The following G3BP2 variants were observed in gnomAD, a reference collection of about 807,000 sequenced individuals.
G3BP2 encodes G3BP stress granule assembly factor 2, also known as ras GTPase-activating protein-binding protein 2.
A neutral mutation model predicts 56.7 loss-of-function variants in G3BP2; 11 were observed. That is an observed-to-expected ratio of 0.19 (90% confidence interval 0.12 to 0.32). The LOEUF is 0.32. G3BP2 is among the 10% of genes least tolerant of loss of function. G3BP2 has a pLI of 1.00. For synonymous variants in G3BP2, 165 were observed against 191.6 expected, an observed-to-expected ratio of 0.86 and a Z score of 1.15; for missense variants, 340 against 610.9, an observed-to-expected ratio of 0.56 and a Z score of 4.67.
chr4:75,712,344 T>C (rs1719790708), intron 3 of G3BP2, among the ~76,000 whole-genome samples: 1 of 152,220 alleles, frequency 6.6e-6, no homozygotes, highest in Non-Finnish European at 1.5e-5. Context: ...TCATTTTTAA[T>C]TTCTGTCATA....
At chr4:75,693,801 A>C (rs1718979213) in intron 3 of G3BP2, among the ~76,000 whole-genome samples, 1 of 150,922 alleles carries the variant, frequency 6.6e-6, no homozygotes, top group Non-Finnish European at 1.5e-5. Context: ...AAAAAAAAAA[A>C]GAGCTGGACT....
intron 3 of G3BP2, among the ~76,000 whole-genome samples, chr4:75,720,543 C>A (rs2149123605): frequency 6.7e-6 from 1 of 149,310 alleles, no homozygotes; most frequent in South Asian, 2.1e-4. Context: ...GGCGCGGTGG[C>A]TCACGCACTT....
intron 3 of G3BP2, among the ~76,000 whole-genome samples, chr4:75,692,537 C>G (rs902976350): frequency 6.6e-6 from 1 of 152,000 alleles, no homozygotes; most frequent in African/African-American, 2.4e-5. Flanking sequence ...GTCTTGAACT[C>G]CTGACCTTGT....
chr4:75,671,259 T>A (rs558529374), intron 1 of G3BP2, among the ~76,000 whole-genome samples: 1 of 152,068 alleles, frequency 6.6e-6, no homozygotes, highest in Non-Finnish European at 1.5e-5. Context: ...TGAAAAGGAG[T>A]CATTCACTGT....
rs78274198 is a variant in G3BP2 at position 75,665,220 on chromosome 4, CAACA to C, written c.-24-3175_-24-3172del. ...TTTAGGTTCCTTGTTTCTTCCTTTC[CAACA>C]AACTATCCCTCCTCTAACTGTCCTT... On this transcript the variant is annotated intron_variant, in intron 1 of 11. Coordinates refer to ENST00000359707, the MANE Select transcript of G3BP2 (RefSeq NM_203505.3). 1.4e-3 allele frequency among the ~76,000 whole-genome samples: 216 copies of C among 152,240 alleles called. 1 individual carries two copies. Among genetic ancestry groups the C allele is most frequent in the Non-Finnish European group, 1.8e-3 (123 of 68,006 alleles).
chr4:75,651,393 C>A (rs541729438), intron 8 of G3BP2, among the ~76,000 whole-genome samples: 1 of 152,258 alleles, frequency 6.6e-6, no homozygotes, highest in East Asian at 1.9e-4. Flanking sequence ...AAATAAAGTT[C>A]TTCCTTATTC....
rs1578372408 is a variant in G3BP2 at position 75,645,391 on chromosome 4, A to G, written c.*39T>C. ...ATTAACAAGAATGCAAACACGATGAATAATGTACCACTGCCAAGACTTTGC... is the reference window on the plus strand; with the variant it reads ...ATTAACAAGAATGCAAACACGATGAGTAATGTACCACTGCCAAGACTTTGC... On this transcript the variant is annotated 3_prime_UTR_variant, in exon 12 of 12. Transcript: ENST00000359707. 1 of 1,577,512 alleles carries G rather than the reference A, an allele frequency of 6.3e-7. No homozygotes were observed. Among genetic ancestry groups the G allele is most frequent in the Non-Finnish European group, 8.6e-7 (1 of 1,160,588 alleles).
intron 3 of G3BP2, among the ~76,000 whole-genome samples, chr4:75,719,858 G>C (rs1720085375): frequency 6.6e-6 from 1 of 151,904 alleles, no homozygotes; most frequent in African/African-American, 2.4e-5. Context: ...CAAAGTGCTG[G>C]GATTACAAGG....
intron 2 of G3BP2, among the ~76,000 whole-genome samples, chr4:75,722,182 C>T (rs138286154): frequency 6.6e-6 from 1 of 152,260 alleles, no homozygotes; most frequent in East Asian, 1.9e-4. Context: ...AGTGACAATG[C>T]CTCGGGGATC....
intron 8 of G3BP2, chr4:75,649,144 A>G (rs143561588): frequency 0.024 from 3,754 of 158,084 alleles, 62 homozygotes; most frequent in Non-Finnish European, 0.036. Context: ...CATAACACAT[A>G]ATTTCTGAAA....
At chr4:75,648,259 A>C (rs1731380825) in intron 9 of G3BP2, among the ~76,000 whole-genome samples, 1 of 151,834 alleles carries the variant, frequency 6.6e-6, no homozygotes, top group Non-Finnish European at 1.5e-5. Flanking sequence ...GAGGCAAGGG[A>C]ATCATTTGAA....
At chr4:75,711,511 G>A (rs912237881) in intron 3 of G3BP2, among the ~76,000 whole-genome samples, 10 of 150,728 alleles carry the variant, frequency 6.6e-5, no homozygotes, top group Non-Finnish European at 3.0e-5. Context: ...TCAGGAGTTT[G>A]AGACCAGCCT....
chr4:75,674,720 T>TATA (rs33996257), upstream of G3BP2, among the ~76,000 whole-genome samples: 392 of 54,426 alleles, frequency 7.2e-3, 3 homozygotes, highest in Non-Finnish European at 9.2e-3. Context: ...ATATATATAT[T>TATA]TTTTTTTTTT....
chr4:75,690,676 A>G (rs567033310), intron 3 of G3BP2, among the ~76,000 whole-genome samples: 1 of 152,104 alleles, frequency 6.6e-6, no homozygotes, highest in East Asian at 1.9e-4. Context: ...GGGTCAAATT[A>G]TCCTCCCACC....
chr4:75,667,781 TCAGG>T (rs1302621837), intron 1 of G3BP2, among the ~76,000 whole-genome samples: 1 of 152,094 alleles, frequency 6.6e-6, no homozygotes. Context: ...TCCCAGCTAC[TCAGG>T]AGGCTAAGGC....
intron 2 of G3BP2, among the ~76,000 whole-genome samples, chr4:75,660,247 T>C (rs989542082): frequency 6.6e-6 from 1 of 152,154 alleles, no homozygotes; most frequent in African/African-American, 2.4e-5. Context: ...AAAGGCCCTA[T>C]TAATTATTTA....
chr4:75,681,286 T>C (rs925258413), intron 3 of G3BP2, among the ~76,000 whole-genome samples: 2 of 151,888 alleles, frequency 1.3e-5, no homozygotes, highest in African/African-American at 2.4e-5. Context: ...ATCGTGCCAC[T>C]GCACTCCAGC....
At chr4:75,706,280 A>C (rs1435889688) in intron 3 of G3BP2, among the ~76,000 whole-genome samples, 6 of 152,162 alleles carry the variant, frequency 3.9e-5, no homozygotes, top group African/African-American at 1.4e-4. Flanking sequence ...GGGCCTCACT[A>C]TGTTGACCAG....
chr4:75,723,702 G>A (rs1289934387), intron 1 of G3BP2, among the ~76,000 whole-genome samples: 5 of 152,088 alleles, frequency 3.3e-5, no homozygotes, highest in Admixed American at 1.3e-4. Context: ...AGGGAAAGAT[G>A]ACGAGTTCAA....
Sources: allele counts gnomAD v4.1 joint callset (sites outside exome capture counted in the v4.1 genomes callset), GRCh38; gene constraint gnomAD v4.1.1; transcripts MANE v1.5; gene names NCBI Gene and HGNC (gene_info 2026-07-23, HGNC 2026-07-21).